Variants in SH2B1 observed in about 807,000 individuals in gnomAD.
The protein encoded by SH2B1 is SH2B adapter protein 1.
A neutral mutation model predicts 62.6 loss-of-function variants in SH2B1; 15 were observed. The observed-to-expected ratio is 0.24, with a 90% CI of 0.16 to 0.37. The LOEUF (loss-of-function observed/expected upper bound fraction) is 0.37. Among genes scored for constraint, SH2B1 ranks in the 10% least tolerant of loss-of-function variants. The pLI, the probability that SH2B1 is intolerant of heterozygous loss-of-function variation, is 1.00. For missense variants in SH2B1, 925 were observed against 1,015.6 expected (o/e 0.91, Z 1.21); for synonymous variants, 443 against 438.0 (o/e 1.01, Z -0.14).
rs1962183327 is a variant in SH2B1 at position 28,852,760 on chromosome 16, A to ATATATATTTACATATATATG, written c.-301+5940_-301+5941insTTACATATATATGTATATAT. Among the ~76,000 whole-genome samples the ATATATATTTACATATATATG allele has an allele frequency of 5.8e-4, 10 of 17,262 alleles. 1 individual carries two copies. The highest frequency in any genetic ancestry group is 2.7e-3 in the East Asian group (1 of 372). The allele number at this position is 17,262 out of a possible 152,430, so 11.3% of individuals were successfully genotyped here. ...CATATATATATTTACATATATATGT[A>ATATATATTTACATATATATG]TATATATATTTATATATATATTTAC... On this transcript the variant is annotated intron_variant, in intron 1 of 10. Coordinates refer to the SH2B1 transcript ENST00000322610.
intron 2 of SH2B1, among the ~76,000 whole-genome samples, chr16:28,868,213 C>G (rs530941238): frequency 2.0e-5 from 3 of 152,018 alleles, no homozygotes; most frequent in Non-Finnish European, 2.9e-5. Flanking sequence ...GATCTCGACT[C>G]ACTGCAAGCT....
intron 4 of SH2B1, 89 bp downstream of exon 4, chr16:28,869,472 C>T (rs1485150682): frequency 1.7e-6 from 2 of 1,211,752 alleles, no homozygotes; most frequent in African/African-American, 3.0e-5. Context: ...CCAGACGCCA[C>T]TGTGCCCCCA....
intron 1 of SH2B1, among the ~76,000 whole-genome samples, chr16:28,848,508 T>C (rs1377519660): frequency 6.6e-6 from 1 of 152,020 alleles, no homozygotes; most frequent in South Asian, 2.1e-4. Context: ...AGCTTTATGA[T>C]GTTCAGGCAT....
chr16:28,869,132 G>C, intron 3 of SH2B1, 35 bp downstream of exon 3: 2 of 1,613,370 alleles, frequency 1.2e-6, no homozygotes, highest in Non-Finnish European at 1.7e-6. Flanking sequence ...AAGGGACATA[G>C]AGTGGGGTTG....
intron 1 of SH2B1, among the ~76,000 whole-genome samples, chr16:28,855,945 A>G (rs2152161784): frequency 6.8e-6 from 1 of 147,290 alleles, no homozygotes; most frequent in South Asian, 2.3e-4. Context: ...TGCTGGGATT[A>G]CAGGTGTGAG....
rs1419967120 is a variant in SH2B1 at position 28,854,135 on chromosome 16, T to A, written c.-301+7308T>A. 2.0e-5 allele frequency among the ~76,000 whole-genome samples: 3 copies of A among 149,188 alleles called. No individual in the cohort carries two copies. In the Admixed American group the frequency reaches 2.0e-4, roughly 10 times the overall value. ...AGTGAGACTCCATCTCTACAAAAAATTTGAAAAATTAGCAGGGCATGGTGG... is the reference window on the plus strand; with the variant it reads ...AGTGAGACTCCATCTCTACAAAAAAATTGAAAAATTAGCAGGGCATGGTGG... On this transcript the variant is annotated intron_variant, in intron 1 of 10. Transcript: ENST00000322610.
At chr16:28,856,641 G>A (rs949016810) in intron 1 of SH2B1, among the ~76,000 whole-genome samples, 3 of 152,106 alleles carry the variant, frequency 2.0e-5, no homozygotes, top group Non-Finnish European at 2.9e-5. Context: ...AGGTCCCAGC[G>A]CACTGTCCTT....
In SH2B1 at chr16:28,864,256, C is replaced by G. The variant is rs578108343; in HGVS notation, c.-1839C>G. On this transcript the variant is annotated 5_prime_UTR_variant, in exon 1 of 8. Transcript: ENST00000684370. ...CCCTTCGGGAAATATCAGAACTGAG[C>G]CAGGAGGCAGGTGCACCGGGAAAAT... 46 of 1,006,856 alleles carry G rather than the reference C, an allele frequency of 4.6e-5. No homozygotes were observed. The African/African-American group carries it at 7.8e-4, about 17-fold the overall frequency. 62.4% of individuals were successfully genotyped at this position (1,006,856 alleles called of 1,614,324 possible).
In SH2B1 at chr16:28,852,697, T is replaced by C. The variant is rs1304722205; in HGVS notation, c.-301+5870T>C. On this transcript the variant is annotated intron_variant, in intron 1 of 10. Transcript: ENST00000322610. ...ATATATATTTACATATATATTTATA[T>C]ATATACATATATATTTACATATATA... is the stretch of plus-strand genomic sequence containing the variant. 2.7e-5 allele frequency among the ~76,000 whole-genome samples: 2 copies of C among 73,604 alleles called. 1 individual carries two copies. Among genetic ancestry groups the C allele is most frequent in the Non-Finnish European group, 4.8e-5 (2 of 41,292 alleles). The allele number at this position is 73,604 out of a possible 152,430, so 48.3% of individuals were successfully genotyped here.
At chr16:28,854,967 C>T (rs1473276667) in intron 1 of SH2B1, among the ~76,000 whole-genome samples, 1 of 152,008 alleles carries the variant, frequency 6.6e-6, no homozygotes, top group Non-Finnish European at 1.5e-5. Flanking sequence ...CCTCCATCTC[C>T]TGGGTTCAAG....
chr16:28,864,565 T>A lies in SH2B1; in HGVS notation c.-1530T>A. 1.0e-6 allele frequency: 1 copy of A among 985,380 alleles called. No homozygotes were observed. The highest frequency in any genetic ancestry group is 1.2e-6 in the Non-Finnish European group (1 of 830,038). 61.0% of individuals were successfully genotyped at this position (985,380 alleles called of 1,614,324 possible). A position where few individuals can be genotyped will look rare whatever the true frequency, so the allele number is the denominator to read the frequency against. Reference sequence around the variant, plus strand: ...TCGAGGCCCAGGAGGAAGGGGAGGGTTCACCGACTTACAGCCTGGCTGTAG... The same window carrying A: ...TCGAGGCCCAGGAGGAAGGGGAGGGATCACCGACTTACAGCCTGGCTGTAG... On this transcript the variant is annotated 5_prime_UTR_variant, in exon 1 of 8. Coordinates refer to ENST00000684370, the MANE Select transcript of SH2B1 (RefSeq NM_001387430.1).
chr16:28,852,258 T>A (rs1228019698), intron 1 of SH2B1, among the ~76,000 whole-genome samples: 1 of 92,254 alleles, frequency 1.1e-5, no homozygotes, highest in African/African-American at 5.0e-5. Flanking sequence ...ATATATATAT[T>A]TACATATATA....
chr16:28,862,227 CTCT>C (rs1567463415), upstream of SH2B1: 3 of 152,220 alleles, frequency 2.0e-5, no homozygotes, highest in Non-Finnish European at 4.4e-5. Context: ...GCCTTGATGT[CTCT>C]TCTTAGCTCC....
chr16:28,849,210 C>T (rs966433381), intron 1 of SH2B1, among the ~76,000 whole-genome samples: 8 of 152,172 alleles, frequency 5.3e-5, no homozygotes, highest in Non-Finnish European at 8.8e-5. Flanking sequence ...CTCAATCTAC[C>T]TCAGCCTCCC....
rs1437039047 is a variant in SH2B1 at position 28,873,152 on chromosome 16, C to T, written c.1898-295C>T. ...TGCCCCACCGTCCCATCTGTCCCCA[C>T]GTTGCCCCTCCCCCCAGGCCGGGAG... is the stretch of plus-strand genomic sequence containing the variant. On this transcript the variant is annotated intron_variant, in intron 7 of 7. Transcript: ENST00000684370. The surrounding 1 kb of genome is among the most constrained non-coding windows in gnomAD (Gnocchi z 4.2). 8.5e-6 allele frequency: 13 copies of T among 1,526,624 alleles called. No homozygotes were observed. The highest frequency in any genetic ancestry group is 4.3e-5 in the Admixed American group (2 of 46,566). The allele number at this position is 1,526,624 out of a possible 1,614,324, so 94.6% of individuals were successfully genotyped here.
At position 28,866,235 on chromosome 16, in the gene SH2B1, C is replaced by CT. The variant is rs1962682683; in HGVS notation, c.142dup (p.Tyr48LeufsTer23). The stretch of plus-strand genomic sequence containing the variant: ...TGGACTTTGCCCGCCGTTTTCGCCT[C>CT]TACCTGGCCTCCCACCCCCAATATG... On this transcript the variant is annotated frameshift_variant, in exon 1 of 8. Coordinates refer to ENST00000684370, the MANE Select transcript of SH2B1 (RefSeq NM_001387430.1). LOFTEE classifies it high-confidence loss of function. The surrounding 1 kb of genome is among the most constrained non-coding windows in gnomAD (Gnocchi z 6.3). 6.2e-7 allele frequency: 1 copy of CT among 1,610,756 alleles called. No homozygotes were observed.
chr16:28,853,030 ATATG>A (rs1401231422), intron 1 of SH2B1, among the ~76,000 whole-genome samples: 19 of 99,450 alleles, frequency 1.9e-4, no homozygotes, highest in East Asian at 1.7e-3. Flanking sequence ...ATGTACATAT[ATATG>A]TACATATATA....
At chr16:28,868,813 C>T (rs1050723820) in intron 2 of SH2B1, among the ~76,000 whole-genome samples, 193 bp from the exon 3 acceptor site, 1 of 152,092 alleles carries the variant, frequency 6.6e-6, no homozygotes, top group Non-Finnish European at 1.5e-5. Flanking sequence ...GTTGCCCAGA[C>T]TGGTCCAACT....
chr16:28,858,171 C>T (rs1291100785), intron 1 of SH2B1, among the ~76,000 whole-genome samples: 1 of 152,184 alleles, frequency 6.6e-6, no homozygotes, highest in Non-Finnish European at 1.5e-5. Context: ...TGACCAGGCC[C>T]TATCCTGAAG....
Sources: gnomAD v4.1 joint callset for allele counts (sites outside exome capture counted in the v4.1 genomes callset) on GRCh38, gnomAD v4.1.1 for gene constraint, Gnocchi (gnomAD v3.1) non-coding constraint, MANE v1.5 for transcripts, NCBI Gene and HGNC (gene_info 2026-07-23, HGNC 2026-07-21) for gene names.